SGO2: variants seen among roughly 807,000 people sequenced by gnomAD.
The protein encoded by SGO2 is shugoshin 2, also known as shugoshin-like 2.
In SGO2, 68 loss-of-function variants were observed where a neutral mutation model predicts 99.5. That is an observed-to-expected ratio of 0.68 (90% CI 0.56 to 0.84). The LOEUF (loss-of-function observed/expected upper bound fraction) is 0.84. SGO2 is among the 40% of genes least tolerant of loss of function. The pLI, the probability that SGO2 is intolerant of heterozygous loss-of-function variation, is 0.00. For synonymous variants in SGO2, 457 were observed against 487.1 expected (o/e 0.94, Z 0.81); for missense variants, 1,350 against 1,436.7 (o/e 0.94, Z 0.97).
chr2:200,580,549 TG>T, intron 8 of SGO2: 1 of 422,840 alleles, frequency 2.4e-6, no homozygotes. Flanking sequence ...CAGTGTTTTA[TG>T]GACAGGCACA....
At chr2:200,534,228 A>G (rs2031579309) in intron 2 of SGO2, among the ~76,000 whole-genome samples, 1 of 152,334 alleles carries the variant, frequency 6.6e-6, no homozygotes, top group South Asian at 2.1e-4. Flanking sequence ...TTATGAAAAT[A>G]TAATGATATT....
At chr2:200,545,050 A>C (rs1466111267) in intron 5 of SGO2, among the ~76,000 whole-genome samples, 1 of 152,202 alleles carries the variant, frequency 6.6e-6, no homozygotes, top group African/African-American at 2.4e-5. Flanking sequence ...TTTGTCACCC[A>C]GCCTGGAGTG....
chr2:200,568,681 C>T (rs771812028), intron 5 of SGO2, among the ~76,000 whole-genome samples: 1 of 152,042 alleles, frequency 6.6e-6, no homozygotes, highest in Non-Finnish European at 1.5e-5. Flanking sequence ...TGTAGGTTTC[C>T]AACTTTTTTT....
At chr2:200,548,818 C>T (rs1339430497) in intron 5 of SGO2, among the ~76,000 whole-genome samples, 3 of 152,130 alleles carry the variant, frequency 2.0e-5, no homozygotes, top group African/African-American at 4.8e-5. Context: ...AATAATTATA[C>T]ACCAACAAAT....
At chr2:200,542,753 A>C (rs2032022856) in intron 5 of SGO2, 89 bp downstream of exon 5, 2 of 1,108,476 alleles carry the variant, frequency 1.8e-6, no homozygotes, top group Admixed American at 2.2e-5. Context: ...AGTGTTCAGG[A>C]TCATCAACCT....
At position 200,572,651 on chromosome 2, in the gene SGO2, C is replaced by T. The variant is rs760795151; in HGVS notation, c.2305C>T (p.Leu769Phe). Residue 769 changes from leucine to phenylalanine, a missense_variant, in exon 7 of 9, where the codon CTT becomes TTT. Physicochemically the swap from Leu to Phe is conservative, Grantham distance 22. Transcript: ENST00000357799. ...CCCAAGTGAGTTTGAAACACCTGCT[C>T]TTTCTACCAAAGATAGTGGAAACCT... ...EDPSEFETPA[L>F]STKDSGNLYD... 4 of 1,612,354 alleles carry T rather than the reference C, an allele frequency of 2.5e-6. No homozygotes were observed. The South Asian group carries it at 4.4e-5, about 18-fold the overall frequency.
chr2:200,577,425 A>G (rs1436658530), intron 8 of SGO2, among the ~76,000 whole-genome samples: 1 of 152,226 alleles, frequency 6.6e-6, no homozygotes, highest in African/African-American at 2.4e-5. Flanking sequence ...AACTAATTTT[A>G]GACTTATGGT....
At chr2:200,559,427 A>G (rs1431134810) in intron 5 of SGO2, among the ~76,000 whole-genome samples, 1 of 151,610 alleles carries the variant, frequency 6.6e-6, no homozygotes, top group Non-Finnish European at 1.5e-5. Flanking sequence ...TATTTCATTG[A>G]TTCTGCTCTT....
At chr2:200,577,539 T>C (rs1035678145) in intron 8 of SGO2, among the ~76,000 whole-genome samples, 12 of 152,224 alleles carry the variant, frequency 7.9e-5, no homozygotes, top group African/African-American at 2.9e-4. Context: ...AACTAAAGAA[T>C]TAGCATTGGT....
At chr2:200,544,692 G>GATCT (rs71022322) in intron 5 of SGO2, among the ~76,000 whole-genome samples, 68,107 of 145,334 alleles carry the variant, frequency 0.47, 15,534 homozygotes, top group Middle Eastern at 0.51. Context: ...TTACTTGGGA[G>GATCT]ATCTATCTAT....
chr2:200,528,984 T>A (rs1468333760), intron 1 of SGO2, among the ~76,000 whole-genome samples: 1 of 152,228 alleles, frequency 6.6e-6, no homozygotes, highest in Non-Finnish European at 1.5e-5. Context: ...CTGACCACAG[T>A]ATTTGATTTA....
intron 5 of SGO2, among the ~76,000 whole-genome samples, chr2:200,563,358 G>A (rs943599086): frequency 2.2e-4 from 33 of 152,102 alleles, no homozygotes; most frequent in African/African-American, 7.2e-4. Flanking sequence ...GCTGGATTAC[G>A]TTTATTGATT....
Position 200,571,804 on chromosome 2 carries a change from T to C in SGO2, c.1458T>C (p.Asn486=). ...QTGFEQGDRE[N]VLCNKKEKRI... ...GCTTTGAACAAGGTGACAGAGAAAA[T>C]GTACTGTGTAATAAAAAGGAGAAAA... The change falls in exon 7 of 9, where the codon AAT becomes AAC. Residue 486 remains asparagine, a synonymous_variant. Transcript: ENST00000357799. 6.2e-7 allele frequency: 1 copy of C among 1,613,152 alleles called. No homozygotes were observed.
At chr2:200,534,133 TATTAA>T (rs1399458394) in intron 2 of SGO2, among the ~76,000 whole-genome samples, 1 of 152,228 alleles carries the variant, frequency 6.6e-6, no homozygotes, top group Non-Finnish European at 1.5e-5. Flanking sequence ...TATAAAATGT[TATTAA>T]ATTTTATAAA....
chr2:200,572,890 TAAAG>T lies in SGO2; in HGVS notation c.2548_2551del (p.Glu850GlnfsTer36). 1 of 1,591,838 alleles carries T rather than the reference TAAAG, an allele frequency of 6.3e-7. No individual in the cohort carries two copies. Among genetic ancestry groups the T allele is most frequent in the Non-Finnish European group, 8.5e-7 (1 of 1,173,146 alleles). On this transcript the variant is annotated frameshift_variant, in exon 7 of 9. Transcript: ENST00000357799. LOFTEE classifies it high-confidence loss of function. Reference sequence around the variant, plus strand: ...ACTTCTTCTCTCTAACCCCAAAGGATAAAGAAACAATTTCTGAAAATCTACAAGT... The same window carrying T: ...ACTTCTTCTCTCTAACCCCAAAGGATAAACAATTTCTGAAAATCTACAAGT...
At chr2:200,561,243 G>A (rs928002890) in intron 5 of SGO2, among the ~76,000 whole-genome samples, 15 of 152,100 alleles carry the variant, frequency 9.9e-5, no homozygotes, top group African/African-American at 3.6e-4. Context: ...CCCATCCTGT[G>A]TCCAAGTGTT....
chr2:200,560,829 T>G (rs1468574528), intron 5 of SGO2, among the ~76,000 whole-genome samples: 1 of 152,184 alleles, frequency 6.6e-6, no homozygotes, highest in Non-Finnish European at 1.5e-5. Context: ...CAATTGGTAG[T>G]TTTTCATTAA....
At chr2:200,560,426 G>A (rs1452616573) in intron 5 of SGO2, among the ~76,000 whole-genome samples, 1 of 151,868 alleles carries the variant, frequency 6.6e-6, no homozygotes, top group Non-Finnish European at 1.5e-5. Flanking sequence ...TGAAAAGTTA[G>A]CACCTTTCTT....
At position 200,572,164 on chromosome 2, in the gene SGO2, A is replaced by G; in HGVS notation, c.1818A>G (p.Glu606=). ...VTDIQPSEQN[E]SNINKLRKKV... The stretch of plus-strand genomic sequence containing the variant: ...ATATTCAACCCTCAGAGCAAAATGA[A>G]TCAAACATTAATAAGCTTAGAAAGA... Residue 606 remains glutamate, a synonymous_variant, in exon 7 of 9, where the codon GAA becomes GAG. Coordinates refer to ENST00000357799, the MANE Select transcript of SGO2 (RefSeq NM_152524.6). The G allele has an allele frequency of 6.2e-7, 1 of 1,612,632 alleles. No homozygotes were observed. Among genetic ancestry groups the G allele is most frequent in the African/African-American group, 1.3e-5 (1 of 74,956 alleles).
Sources: allele counts gnomAD v4.1 joint callset (sites outside exome capture counted in the v4.1 genomes callset), GRCh38; gene constraint gnomAD v4.1.1; transcripts MANE v1.5; gene names NCBI Gene and HGNC (gene_info 2026-07-23, HGNC 2026-07-21).